Variants in BTC observed in about 807,000 individuals in gnomAD.
BTC encodes the protein betacellulin.
BTC carries 13 observed loss-of-function variants against 18.1 expected under a neutral mutation model. That is an observed-to-expected ratio of 0.72 (90% CI 0.47 to 1.14). The LOEUF is 1.14. Among genes scored for constraint, BTC ranks in the 50% most tolerant of loss-of-function variants. BTC has a pLI of 0.00. For synonymous variants in BTC, 83 were observed against 79.4 expected, an observed-to-expected ratio of 1.05 and a Z score of -0.24; for missense variants, 247 against 224.2, an observed-to-expected ratio of 1.10 and a Z score of -0.65.
intron 4 of BTC, among the ~76,000 whole-genome samples, chr4:74,750,270 ATTTTTG>A (rs1296490381): frequency 6.6e-6 from 1 of 151,610 alleles, no homozygotes; most frequent in Admixed American, 6.6e-5. Flanking sequence ...GCAAAAACAA[ATTTTTG>A]TTTTTATCTT....
intron 1 of BTC, among the ~76,000 whole-genome samples, chr4:74,779,165 G>C (rs1479591572): frequency 1.3e-5 from 2 of 152,056 alleles, no homozygotes; most frequent in Non-Finnish European, 2.9e-5. Flanking sequence ...ATAATATCTT[G>C]GTGTTTAGGA....
At chr4:74,755,076 G>A (rs377162134) in intron 3 of BTC, among the ~76,000 whole-genome samples, 1 of 151,784 alleles carries the variant, frequency 6.6e-6, no homozygotes, top group Admixed American at 6.6e-5. Flanking sequence ...TTTTTAAAAA[G>A]TTCATGACCC....
intron 1 of BTC, among the ~76,000 whole-genome samples, chr4:74,791,118 G>A (rs535557697): frequency 9.2e-5 from 14 of 152,202 alleles, no homozygotes; most frequent in African/African-American, 2.6e-4. Context: ...TATCTGCTAC[G>A]ATCTCTTGAG....
At chr4:74,749,757 A>AG (rs1724407392) in intron 4 of BTC, among the ~76,000 whole-genome samples, 2 of 148,672 alleles carry the variant, frequency 1.3e-5, no homozygotes. Flanking sequence ...AAAAAAAAAA[A>AG]AAAAAAAGTT....
chr4:74,751,127 C>A (rs62316308), intron 3 of BTC, among the ~76,000 whole-genome samples: 37,310 of 152,084 alleles, frequency 0.25, 4,790 homozygotes, highest in Middle Eastern at 0.28. Context: ...TGTTCTCATG[C>A]TCTCCTATAA....
chr4:74,747,075 C>T (rs1343916032), intron 5 of BTC, among the ~76,000 whole-genome samples: 2 of 152,178 alleles, frequency 1.3e-5, no homozygotes, highest in African/African-American at 4.8e-5. Flanking sequence ...AGTGTGAAGC[C>T]CACCTTACCT....
intron 1 of BTC, among the ~76,000 whole-genome samples, chr4:74,787,864 C>T (rs1156236988): frequency 6.6e-6 from 1 of 152,106 alleles, no homozygotes; most frequent in Admixed American, 6.5e-5. Flanking sequence ...CCATCTCCAA[C>T]CTAAGAAAGC....
At chr4:74,750,081 G>A (rs1486730596) in intron 4 of BTC, among the ~76,000 whole-genome samples, 3 of 152,256 alleles carry the variant, frequency 2.0e-5, no homozygotes, top group East Asian at 1.9e-4. Flanking sequence ...GGGCAAAAGA[G>A]CGAGACTCTG....
At chr4:74,789,146 A>G (rs1467412589) in intron 1 of BTC, among the ~76,000 whole-genome samples, 1 of 152,242 alleles carries the variant, frequency 6.6e-6, no homozygotes. Context: ...GAACTGGGCT[A>G]TAACTGTAAA....
intron 1 of BTC, among the ~76,000 whole-genome samples, chr4:74,791,264 C>A (rs1465520718): frequency 6.6e-6 from 1 of 152,042 alleles, no homozygotes; most frequent in African/African-American, 2.4e-5. Flanking sequence ...GTCACTTGAG[C>A]CCTGGAGGCG....
chr4:74,771,952 C>A (rs1007058373), intron 1 of BTC, among the ~76,000 whole-genome samples: 1 of 152,034 alleles, frequency 6.6e-6, no homozygotes, highest in Non-Finnish European at 1.5e-5. Flanking sequence ...TGAATTCATG[C>A]AATAAAATAC....
intron 4 of BTC, among the ~76,000 whole-genome samples, chr4:74,748,521 G>A (rs1164455130): frequency 2.6e-5 from 4 of 151,752 alleles, no homozygotes; most frequent in Non-Finnish European, 5.9e-5. Flanking sequence ...GGGCGACAGA[G>A]TGAGACTCCG....
chr4:74,788,843 T>C (rs962991294), intron 1 of BTC, among the ~76,000 whole-genome samples: 2 of 152,242 alleles, frequency 1.3e-5, no homozygotes, highest in African/African-American at 2.4e-5. Flanking sequence ...GCTGCCATCT[T>C]GGCAAGGAGC....
chr4:74,779,281 CA>C (rs936434387), intron 1 of BTC, among the ~76,000 whole-genome samples: 1 of 152,132 alleles, frequency 6.6e-6, no homozygotes, highest in African/African-American at 2.4e-5. Flanking sequence ...CTGTCATACA[CA>C]AACTAATTCA....
chr4:74,792,002 C>CAT (rs1313951579), intron 1 of BTC, among the ~76,000 whole-genome samples: 1 of 145,182 alleles, frequency 6.9e-6, no homozygotes, highest in East Asian at 1.9e-4. Context: ...CACACACACA[C>CAT]ACACAAACAC....
chr4:74,791,756 T>A (rs1450912529), intron 1 of BTC, among the ~76,000 whole-genome samples: 1 of 152,216 alleles, frequency 6.6e-6, no homozygotes, highest in Admixed American at 6.5e-5. Flanking sequence ...ATAAGCCATT[T>A]CTAATTTAAA....
chr4:74,774,824 A>C (rs1725134942), intron 1 of BTC, among the ~76,000 whole-genome samples: 2 of 152,246 alleles, frequency 1.3e-5, no homozygotes, highest in South Asian at 4.2e-4. Flanking sequence ...GAAGCAACAT[A>C]ATCATCTTTT....
At chr4:74,747,416 C>A (rs1553955597) in intron 5 of BTC, among the ~76,000 whole-genome samples, 1 of 152,124 alleles carries the variant, frequency 6.6e-6, no homozygotes, top group Non-Finnish European at 1.5e-5. Context: ...GTGGCTACTC[C>A]CTCCACAACC....
chr4:74,787,774 T>A (rs1472820447), intron 1 of BTC, among the ~76,000 whole-genome samples: 1 of 152,248 alleles, frequency 6.6e-6, no homozygotes, highest in African/African-American at 2.4e-5. Flanking sequence ...ACAGTGTTAG[T>A]TCCCACATAC....
Sources: gnomAD v4.1 joint callset for allele counts (sites outside exome capture counted in the v4.1 genomes callset) on GRCh38, gnomAD v4.1.1 for gene constraint, MANE v1.5 for transcripts, NCBI Gene and HGNC (gene_info 2026-07-23, HGNC 2026-07-21) for gene names.